Variants in APOBEC3G observed in about 807,000 individuals in gnomAD.
APOBEC3G encodes the protein DNA dC->dU-editing enzyme APOBEC-3G.
Under a neutral mutation model 50.0 loss-of-function variants are expected in APOBEC3G, and 44 were observed. The ratio of observed to expected loss-of-function variants is 0.88; its 90% CI spans 0.69 to 1.13. The LOEUF (loss-of-function observed/expected upper bound fraction) is 1.13, where lower values mean the gene tolerates loss of function less well. Among genes scored for constraint, APOBEC3G ranks in the 50% most tolerant of loss-of-function variants. The pLI, the probability that APOBEC3G is intolerant of heterozygous loss-of-function variation, is 0.00. For synonymous variants in APOBEC3G, 156 were observed against 175.3 expected, an observed-to-expected ratio of 0.89 and a Z score of 0.87; for missense variants, 469 against 492.0, an observed-to-expected ratio of 0.95 and a Z score of 0.44.
chr22:39,083,561 T>A (rs1442927004), intron 4 of APOBEC3G, among the ~76,000 whole-genome samples, 170 bp from the exon 5 acceptor site: 1 of 151,454 alleles, frequency 6.6e-6, no homozygotes, highest in East Asian at 2.0e-4. Context: ...GGGGGAGGTT[T>A]GGAGGCTCTA....
At chr22:39,087,262 C>T in intron 7 of APOBEC3G, 136 bp downstream of exon 7, 1 of 1,598,124 alleles carries the variant, frequency 6.3e-7, no homozygotes, top group Non-Finnish European at 8.6e-7. Flanking sequence ...CTGTCCCTCC[C>T]TTTCCTTCTC....
intron 5 of APOBEC3G, among the ~76,000 whole-genome samples, chr22:39,084,397 G>A (rs1164898834): frequency 3.9e-5 from 6 of 152,176 alleles, no homozygotes. Flanking sequence ...TGTGGTGGCA[G>A]GCGCCTGTAG....
Position 39,081,006 on chromosome 22 carries a change from G to T in APOBEC3G, c.245G>T (p.Arg82Leu), listed in dbSNP as rs760196037. ...HWFSKWRKLHRDQEYEVTWYI... is the reference protein window; with the variant it reads ...HWFSKWRKLHLDQEYEVTWYI... The stretch of plus-strand genomic sequence containing the variant: ...TTCAGCAAGTGGAGGAAGCTGCATC[G>T]TGACCAGGAGTATGAGGTCACCTGG... The change falls in exon 3 of 8, where the codon CGT becomes CTT. Residue 82 changes from arginine (R) to leucine (L), a missense_variant. Coordinates refer to ENST00000407997, the MANE Select transcript of APOBEC3G (RefSeq NM_021822.4). The T allele has an allele frequency of 1.2e-6, 2 of 1,614,088 alleles. No homozygotes were observed. Among genetic ancestry groups the T allele is most frequent in the South Asian group, 2.2e-5 (2 of 91,076 alleles).
rs1457098912 is a variant in APOBEC3G, at chr22:39,087,455, C to T, written c.*34C>T. On this transcript the variant is annotated 3_prime_UTR_variant, in exon 8 of 8. Coordinates refer to ENST00000407997, the MANE Select transcript of APOBEC3G (RefSeq NM_021822.4). ...CCTCAGTCTCTAAGGAAGGCAGAGACCTGGGTTGAGCCTCAGAATAAAAGA... is the reference window on the plus strand; with the variant it reads ...CCTCAGTCTCTAAGGAAGGCAGAGATCTGGGTTGAGCCTCAGAATAAAAGA... 6.2e-7 allele frequency: 1 copy of T among 1,613,754 alleles called. No homozygotes were observed. The highest frequency in any genetic ancestry group is 8.5e-7 in the Non-Finnish European group (1 of 1,179,858).
intron 7 of APOBEC3G, 121 bp downstream of exon 7, chr22:39,087,247 T>C (rs1361011380): frequency 9.4e-6 from 15 of 1,598,174 alleles, no homozygotes; most frequent in Non-Finnish European, 1.2e-5. Context: ...CCAGGGCACC[T>C]GTCTCTGTCC....
rs757732607 is a variant in APOBEC3G, at chr22:39,086,538, G to A, written c.995G>A (p.Gly332Glu). ...QEGLRTLAEA[G>E]AKISIMTYSE... ...GGGCTGCGCACCCTGGCCGAGGCTG[G>A]GGCCAAAATTTCAATAATGACATAC... The change falls in exon 6 of 8, where the codon GGG (glycine) becomes GAG (glutamate). Residue 332 changes from glycine (G) to glutamate (E), a missense_variant. Coordinates refer to ENST00000407997, the MANE Select transcript of APOBEC3G (RefSeq NM_021822.4). 5 of 1,609,516 alleles carry A rather than the reference G, an allele frequency of 3.1e-6. No individual in the cohort carries two copies. The African/African-American group carries it at 5.3e-5, about 17-fold the overall frequency.
At chr22:39,085,854 T>G (rs1159948245) in intron 5 of APOBEC3G, among the ~76,000 whole-genome samples, 1 of 152,096 alleles carries the variant, frequency 6.6e-6, no homozygotes, top group Non-Finnish European at 1.5e-5. Context: ...GCCACTGCAC[T>G]CCAGCCTGAG....
intron 4 of APOBEC3G, chr22:39,082,784 T>C (rs1569084872): frequency 2.0e-5 from 3 of 151,798 alleles, no homozygotes; most frequent in Non-Finnish European, 4.4e-5. Context: ...AGTGCAGGGG[T>C]TCCTGTCCTG....
At chr22:39,084,400 G>A (rs1423443721) in intron 5 of APOBEC3G, among the ~76,000 whole-genome samples, 3 of 152,148 alleles carry the variant, frequency 2.0e-5, no homozygotes, top group African/African-American at 7.2e-5. Flanking sequence ...GGTGGCAGGC[G>A]CCTGTAGTCC....
At position 39,084,512 on chromosome 22, in the gene APOBEC3G, C is replaced by T. The variant is rs1355977738; in HGVS notation, c.735+628C>T. ...ACTGCACTCCACCTGGGCAACAGAG[C>T]GAGACTCCGTCTCAAGAAAAAAAAA... On this transcript the variant is annotated intron_variant, in intron 5 of 7. Transcript: ENST00000407997. Among the ~76,000 whole-genome samples, 8 of 141,704 alleles carry T rather than the reference C, an allele frequency of 5.6e-5. No homozygotes were observed. In the East Asian group the frequency reaches 1.5e-3, roughly 27 times the overall value. 93.0% of individuals were successfully genotyped at this position (141,704 alleles called of 152,430 possible).
intron 1 of APOBEC3G, 22 bp downstream of exon 1, chr22:39,077,400 A>T (rs201691333): frequency 6.3e-7 from 1 of 1,579,032 alleles, no homozygotes; most frequent in East Asian, 2.3e-5. Flanking sequence ...CGCTCTACCC[A>T]CTGGGCCCCT....
In APOBEC3G at chr22:39,077,300, G is replaced by A; in HGVS notation, c.-62G>A. 6.4e-7 allele frequency: 1 copy of A among 1,554,582 alleles called. No homozygotes were observed. Among genetic ancestry groups the A allele is most frequent in the South Asian group, 1.2e-5 (1 of 84,258 alleles). The stretch of plus-strand genomic sequence containing the variant: ...GGGCTGTCCTAAAACCAGAAGCTTG[G>A]AGCAGAAAGTGAAACCCTGGTGCTC... On this transcript the variant is annotated 5_prime_UTR_variant, in exon 1 of 8. Coordinates refer to ENST00000407997, the MANE Select transcript of APOBEC3G (RefSeq NM_021822.4).
At chr22:39,086,019 C>A (rs531185206) in intron 5 of APOBEC3G, among the ~76,000 whole-genome samples, 102 of 150,824 alleles carry the variant, frequency 6.8e-4, no homozygotes, top group Non-Finnish European at 1.3e-3. Flanking sequence ...CTAAAAATTC[C>A]CTCGGCCGGG....
Position 39,081,692 on chromosome 22 carries a change from C to A in APOBEC3G, c.581+107C>A, listed in dbSNP as rs1376631142. On this transcript the variant is annotated intron_variant, in intron 4 of 7. Coordinates refer to ENST00000407997, the MANE Select transcript of APOBEC3G (RefSeq NM_021822.4). ...CAGGTCCTCTCCTGGCCAGGCCCTC[C>A]TGCCTTCCCTCCTGCCCCCTGCCTG... 3.4e-6 allele frequency: 3 copies of A among 876,486 alleles called. No homozygotes were observed. The Admixed American group carries it at 6.3e-5, about 18-fold the overall frequency. The allele number at this position is 876,486 out of a possible 1,614,324, so 54.3% of individuals were successfully genotyped here. A position where few individuals can be genotyped will look rare whatever the true frequency, so the allele number is the denominator to read the frequency against.
chr22:39,079,034 A>G lies in APOBEC3G; in HGVS notation c.120A>G (p.Lys40=). 5.6e-6 allele frequency: 9 copies of G among 1,614,202 alleles called. No individual in the cohort carries two copies. The highest frequency in any genetic ancestry group is 7.6e-6 in the Non-Finnish European group (9 of 1,180,012). ...RNTVWLCYEV[K]TKGPSRPPLD... is the part of the protein sequence containing the mutation. ...CCGTCTGGCTGTGCTACGAAGTGAA[A>G]ACAAAGGGTCCCTCAAGGCCCCCTT... The change falls in exon 2 of 8, where the codon AAA becomes AAG. Residue 40 remains lysine (K), a synonymous_variant. Coordinates refer to ENST00000407997, the MANE Select transcript of APOBEC3G (RefSeq NM_021822.4).
At position 39,086,280 on chromosome 22, in the gene APOBEC3G, C is replaced by T. The variant is rs757218978; in HGVS notation, c.737C>T (p.Ala246Val). 2 of 1,564,286 alleles carry T rather than the reference C, an allele frequency of 1.3e-6. No individual in the cohort carries two copies. Among genetic ancestry groups the T allele is most frequent in the Non-Finnish European group, 1.7e-6 (2 of 1,156,084 alleles). The change falls in exon 6 of 8, where the codon GCT becomes GTT. Residue 246 changes from alanine (A) to valine (V), a missense_variant and splice_region_variant. Ala to Val is a moderately conservative substitution (Grantham distance 64). Coordinates refer to ENST00000407997, the MANE Select transcript of APOBEC3G (RefSeq NM_021822.4). The part of the protein sequence containing the change: ...NQRRGFLCNQ[A>V]PHKHGFLEGR... ...CTCATGGCTTGCTTTCTTTTCTAGG[C>T]TCCACATAAACACGGTTTCCTTGAA...
intron 2 of APOBEC3G, 174 bp from the exon 3 acceptor site, chr22:39,080,759 T>G (rs1928400555): frequency 3.1e-6 from 2 of 645,218 alleles, no homozygotes; most frequent in Admixed American, 5.9e-5. Context: ...CAATTAATAC[T>G]GAACATGAGC....
chr22:39,077,580 C>G (rs1427892098), intron 1 of APOBEC3G, among the ~76,000 whole-genome samples: 2 of 152,096 alleles, frequency 1.3e-5, no homozygotes, highest in African/African-American at 2.4e-5. Flanking sequence ...AATGGGCCGC[C>G]TCCCCCATCT....
At chr22:39,078,746 CTT>C (rs1928283593) in intron 1 of APOBEC3G, 184 bp from the exon 2 acceptor site, 3 of 697,830 alleles carry the variant, frequency 4.3e-6, no homozygotes, top group South Asian at 2.7e-5. Context: ...GAATTTCGCT[CTT>C]GTCGCCCAGG....
Sources: gnomAD v4.1 joint callset for allele counts (sites outside exome capture counted in the v4.1 genomes callset) on GRCh38, gnomAD v4.1.1 for gene constraint, MANE v1.5 for transcripts, NCBI Gene and HGNC (gene_info 2026-07-23, HGNC 2026-07-21) for gene names.